DLAT: variants seen among roughly 807,000 people sequenced by gnomAD.
DLAT encodes dihydrolipoyllysine-residue acetyltransferase component of pyruvate dehydrogenase complex, mitochondrial.
DLAT carries 43 observed loss-of-function variants against 68.0 expected under a neutral mutation model. The observed-to-expected ratio is 0.63, with a 90% CI of 0.50 to 0.81. The LOEUF (loss-of-function observed/expected upper bound fraction) is 0.81, where lower values mean the gene tolerates loss of function less well. DLAT is among the 40% of genes least tolerant of loss of function. The pLI is 0.00. For synonymous variants in DLAT, 265 were observed against 288.6 expected (o/e 0.92, Z 0.83); for missense variants, 745 against 815.4 (o/e 0.91, Z 1.05).
At chr11:112,053,520 T>G (rs781881800) in intron 11 of DLAT, among the ~76,000 whole-genome samples, 1 of 152,222 alleles carries the variant, frequency 6.6e-6, no homozygotes, top group East Asian at 1.9e-4. Context: ...TGGCGTGATC[T>G]TGGCTCACTG....
Position 112,028,851 on chromosome 11 carries a change from C to T in DLAT, c.566C>T (p.Pro189Leu). The change falls in exon 4 of 14, where the codon CCA becomes CTA. Residue 189 changes from proline (P) to leucine (L), a missense_variant. Coordinates refer to ENST00000280346, the MANE Select transcript of DLAT (RefSeq NM_001931.5). Reference protein sequence around the residue: ...YTLDSSAAPTPQAAPAPTPAA... With the variant: ...YTLDSSAAPTLQAAPAPTPAA... The stretch of plus-strand genomic sequence containing the variant: ...CTGGATTCCTCAGCAGCACCTACCC[C>T]ACAAGCGGCCCCAGCACCAACCCCT... The T allele has an allele frequency of 6.2e-7, 1 of 1,614,194 alleles. No individual in the cohort carries two copies. The highest frequency in any genetic ancestry group is 1.3e-5 in the African/African-American group (1 of 75,044).
At chr11:112,032,340 T>C (rs1199325740) in intron 4 of DLAT, among the ~76,000 whole-genome samples, 3 of 152,180 alleles carry the variant, frequency 2.0e-5, no homozygotes, top group Non-Finnish European at 2.9e-5. Flanking sequence ...ACAAGTTGTT[T>C]TGAAATATGT....
rs370374018 is a variant in DLAT, at chr11:112,028,314, G to A, written c.382-201G>A. Reference sequence around the variant, plus strand: ...TGTTCCTGTAATCCCAGCTACTCGGGAGGCTGAGGCAGGATAATCGCTTGA... The same window carrying A: ...TGTTCCTGTAATCCCAGCTACTCGGAAGGCTGAGGCAGGATAATCGCTTGA... On this transcript the variant is annotated intron_variant, in intron 2 of 13. Transcript: ENST00000280346. Among the ~76,000 whole-genome samples, 33 of 151,676 alleles carry A rather than the reference G, an allele frequency of 2.2e-4. 2 individuals carry two copies. Among genetic ancestry groups the A allele is most frequent in the Admixed American group, 1.7e-3 (26 of 15,242 alleles).
intron 5 of DLAT, among the ~76,000 whole-genome samples, chr11:112,033,771 G>A (rs781930800): frequency 2.0e-5 from 3 of 152,082 alleles, no homozygotes; most frequent in Non-Finnish European, 2.9e-5. Flanking sequence ...AGGCTGGAGT[G>A]CGGTGGCAAG....
intron 2 of DLAT, among the ~76,000 whole-genome samples, chr11:112,027,475 G>T (rs587611881): frequency 0.037 from 5,687 of 151,726 alleles, 349 homozygotes; most frequent in African/African-American, 0.13. Flanking sequence ...AGGCAGAGAC[G>T]CTCCTCACTT....
chr11:112,055,925 T>A (rs1050065717), intron 11 of DLAT, among the ~76,000 whole-genome samples: 1 of 129,220 alleles, frequency 7.7e-6, no homozygotes, highest in Admixed American at 9.3e-5. Context: ...TGGAGTGCAA[T>A]GGTGCTATCT....
At chr11:112,059,641 C>T (rs587613530) in intron 11 of DLAT, among the ~76,000 whole-genome samples, 2 of 152,314 alleles carry the variant, frequency 1.3e-5, no homozygotes, top group East Asian at 3.9e-4. Flanking sequence ...GATCCGCCCA[C>T]CTCAGCCTCC....
At chr11:112,057,281 G>T (rs1466701306) in intron 11 of DLAT, among the ~76,000 whole-genome samples, 1 of 152,162 alleles carries the variant, frequency 6.6e-6, no homozygotes, top group East Asian at 1.9e-4. Context: ...AGGCCAATTA[G>T]TAACTCTACA....
chr11:112,046,100 T>C, intron 10 of DLAT, 130 bp downstream of exon 10: 1 of 629,842 alleles, frequency 1.6e-6, no homozygotes, highest in South Asian at 1.8e-5. Flanking sequence ...ATCTTGTCCT[T>C]TGAAGCACAA....
intron 7 of DLAT, among the ~76,000 whole-genome samples, chr11:112,042,434 C>T (rs1863098047): frequency 2.0e-5 from 3 of 152,196 alleles, no homozygotes; most frequent in Admixed American, 2.0e-4. Context: ...ACTACCACCT[C>T]TGTTCTAGAG....
At chr11:112,034,914 C>T (rs782187482) in intron 5 of DLAT, among the ~76,000 whole-genome samples, 2 of 152,026 alleles carry the variant, frequency 1.3e-5, no homozygotes, top group Non-Finnish European at 2.9e-5. Context: ...GCTGGGACTA[C>T]AGGCATGCAC....
rs371341957 is a variant in DLAT, at chr11:112,061,095, A to G, written c.1735A>G (p.Ile579Val). The change falls in exon 13 of 14, where the codon ATT (isoleucine) becomes GTT (valine). Residue 579 changes from isoleucine (I) to valine (V), a missense_variant. Coordinates refer to ENST00000280346, the MANE Select transcript of DLAT (RefSeq NM_001931.5). ...GTTTGGAATTAAGAATTTCTCTGCT[A>G]TTATTAACCCACCTCAAGCATGTAT... ...GMFGIKNFSA[I>V]INPPQACILA... 4.5e-5 allele frequency: 73 copies of G among 1,613,686 alleles called. No individual in the cohort carries two copies. The highest frequency in any genetic ancestry group is 3.3e-4 in the East Asian group (15 of 44,874).
At chr11:112,053,887 T>C (rs1375913593) in intron 11 of DLAT, among the ~76,000 whole-genome samples, 2 of 152,164 alleles carry the variant, frequency 1.3e-5, no homozygotes, top group Non-Finnish European at 2.9e-5. Flanking sequence ...TTAAAGAACA[T>C]TAATATTTAG....
rs1555183197 is a variant in DLAT, at chr11:112,061,042, G to A, written c.1682G>A (p.Gly561Asp). The A allele has an allele frequency of 6.3e-7, 1 of 1,592,706 alleles. No homozygotes were observed. Among genetic ancestry groups the A allele is most frequent in the South Asian group, 1.1e-5 (1 of 88,592 alleles). The stretch of plus-strand genomic sequence containing the variant: ...TTTTAATTTTTTTTCCTCTAGGGTG[G>A]CACTTTTACGATCTCCAATTTAGGA... ...GKLQPHEFQG[G>D]TFTISNLGMF... is the part of the protein sequence containing the mutation. Residue 561 changes from glycine (G) to aspartate (D), a missense_variant, in exon 13 of 14, where the codon GGC becomes GAC. Gly to Asp is a moderately conservative substitution (Grantham distance 94, BLOSUM62 -1). Transcript: ENST00000280346.
chr11:112,035,813 T>TA (rs1862691418), intron 5 of DLAT, among the ~76,000 whole-genome samples: 1 of 106,972 alleles, frequency 9.3e-6, no homozygotes, highest in Non-Finnish European at 1.9e-5. Flanking sequence ...TTTTTTGAGA[T>TA]AGAGTCTTGC....
rs782068514 is a variant in DLAT, at chr11:112,025,489, C to T, written c.17C>T (p.Ala6Val). 4 of 1,613,192 alleles carry T rather than the reference C, an allele frequency of 2.5e-6. No homozygotes were observed. Among genetic ancestry groups the T allele is most frequent in the African/African-American group, 1.3e-5 (1 of 75,008 alleles). Residue 6 changes from alanine to valine, a missense_variant, in exon 1 of 14, where the codon GCG becomes GTG. Ala to Val is a moderately conservative substitution (Grantham distance 64). Coordinates refer to ENST00000280346, the MANE Select transcript of DLAT (RefSeq NM_001931.5). MWRVC[A>V]RRAQNVAPWA... Reference sequence around the variant, plus strand: ...GGTGGCACTATGTGGCGCGTCTGTGCGCGACGGGCTCAGAATGTAGCCCCA... The same window carrying T: ...GGTGGCACTATGTGGCGCGTCTGTGTGCGACGGGCTCAGAATGTAGCCCCA...
chr11:112,044,096 A>G (rs1230133925), intron 8 of DLAT, among the ~76,000 whole-genome samples: 1 of 152,218 alleles, frequency 6.6e-6, no homozygotes, highest in Non-Finnish European at 1.5e-5. Flanking sequence ...GTTTTGAGCT[A>G]GTTAATCGGT....
intron 4 of DLAT, chr11:112,030,253 T>C (rs1862321772): frequency 1.7e-6 from 1 of 573,886 alleles, no homozygotes; most frequent in African/African-American, 1.9e-5. Flanking sequence ...TTCTCGGTCG[T>C]CTTAGGCACA....
chr11:112,049,197 A>AG (rs1177617504), intron 10 of DLAT, among the ~76,000 whole-genome samples: 17 of 152,076 alleles, frequency 1.1e-4, no homozygotes, highest in Non-Finnish European at 2.1e-4. Context: ...GCCAGAATCA[A>AG]GATTGTTTTG....
Sources: allele counts gnomAD v4.1 joint callset (sites outside exome capture counted in the v4.1 genomes callset), GRCh38; gene constraint gnomAD v4.1.1; transcripts MANE v1.5; gene names NCBI Gene and HGNC (gene_info 2026-07-23, HGNC 2026-07-21).